The following CEP290 variants were observed in gnomAD, a reference collection of about 807,000 sequenced individuals.
The protein encoded by CEP290 is centrosomal protein 290.
CEP290 carries 317 observed loss-of-function variants against 344.9 expected under a neutral mutation model. The ratio of observed to expected loss-of-function variants is 0.92; its 90% CI spans 0.84 to 1.01. The LOEUF (loss-of-function observed/expected upper bound fraction) is 1.01, where lower values mean the gene tolerates loss of function less well. CEP290 is among the 50% of genes least tolerant of loss of function. The pLI, the probability that CEP290 is intolerant of heterozygous loss-of-function variation, is 0.00. For missense variants in CEP290, 2,754 were observed against 2,761.4 expected (o/e 1.00, Z 0.06); for synonymous variants, 932 against 895.8 (o/e 1.04, Z -0.72).
chr12:88,079,318 T>C (rs1169832764), intron 38 of CEP290, 89 bp from the exon 39 acceptor site: 1 of 997,310 alleles, frequency 1.0e-6, no homozygotes. Context: ...ACAAGCTTTA[T>C]TACTTCCTAC....
rs772550529 is a variant in CEP290, at chr12:88,092,714, T to C, written c.3428A>G (p.Lys1143Arg). ...TTCAACTTTTAGTTCCATTTCATTCTTCTCTAATTCTAGAATCCGTTGCCT... is the reference window on the plus strand; with the variant it reads ...TTCAACTTTTAGTTCCATTTCATTCCTCTCTAATTCTAGAATCCGTTGCCT... ...ADRQRILELE[K>R]NEMELKVEVS... Residue 1143 changes from lysine to arginine, a missense_variant, in exon 29 of 54, where the codon AAG (lysine) becomes AGG (arginine). By Grantham distance (26) the Lys-to-Arg change is conservative. Coordinates refer to ENST00000552810, the MANE Select transcript of CEP290 (RefSeq NM_025114.4). The C allele has an allele frequency of 7.5e-6, 12 of 1,610,084 alleles. No individual in the cohort carries two copies. The East Asian group carries it at 2.5e-4, about 33-fold the overall frequency.
intron 48 of CEP290, 124 bp downstream of exon 48, chr12:88,059,774 C>T (rs2136722702): frequency 1.3e-6 from 1 of 754,096 alleles, no homozygotes; most frequent in East Asian, 3.1e-5. Context: ...CATAGAAACA[C>T]AATTCCTCAA....
At chr12:88,076,839 GTCTA>G (rs1010835136) in intron 41 of CEP290, among the ~76,000 whole-genome samples, 6 of 152,014 alleles carry the variant, frequency 3.9e-5, no homozygotes, top group Admixed American at 1.3e-4. Context: ...ATCTTAAAAT[GTCTA>G]TCTTTCTGTC....
rs483352755 is a variant in CEP290, at chr12:88,125,331, G to A, written c.1104C>T (p.Thr368=). The part of the protein sequence containing the change: ...QERDSQIKML[T]EQVEQYTKEM... ...CTTTTGTATATTGTTCTACTTGTTCGGTGAGCATCTTAATTTGACTGTCTC... is the reference window on the plus strand; with the variant it reads ...CTTTTGTATATTGTTCTACTTGTTCAGTGAGCATCTTAATTTGACTGTCTC... Residue 368 remains threonine, a synonymous_variant, in exon 13 of 54, where the codon ACC becomes ACT. Coordinates refer to ENST00000552810, the MANE Select transcript of CEP290 (RefSeq NM_025114.4). The A allele has an allele frequency of 2.2e-5, 29 of 1,311,016 alleles. No homozygotes were observed. The highest frequency in any genetic ancestry group is 6.0e-5 in the Admixed American group (2 of 33,292). 81.2% of individuals were successfully genotyped at this position (1,311,016 alleles called of 1,614,324 possible).
At chr12:88,066,104 CATAGATATTT>C (rs200391795) in intron 44 of CEP290, among the ~76,000 whole-genome samples, 4,358 of 152,190 alleles carry the variant, frequency 0.029, 219 homozygotes, top group Admixed American at 0.074. Flanking sequence ...TTTCTCTTAA[CATAGATATTT>C]AATTTTAGTT....
chr12:88,140,187 C>T (rs1478644082), intron 3 of CEP290, among the ~76,000 whole-genome samples: 2 of 152,096 alleles, frequency 1.3e-5, no homozygotes, highest in Non-Finnish European at 2.9e-5. Context: ...CTTTCCACTA[C>T]TTTTTTTCTG....
rs550898348 is a variant in CEP290, at chr12:88,049,142, A to C, written c.*42T>G. The C allele has an allele frequency of 2.5e-5, 30 of 1,186,294 alleles. No homozygotes were observed. The South Asian group carries it at 4.0e-4, about 16-fold the overall frequency. 73.5% of individuals were successfully genotyped at this position (1,186,294 alleles called of 1,614,324 possible). Reference sequence around the variant, plus strand: ...ATTTCCAAGTATATTTAACTTATAAAGTTAATAAATAGTTAAATGAAACAA... The same window carrying C: ...ATTTCCAAGTATATTTAACTTATAACGTTAATAAATAGTTAAATGAAACAA... On this transcript the variant is annotated 3_prime_UTR_variant, in exon 54 of 54. Transcript: ENST00000552810.
intron 3 of CEP290, among the ~76,000 whole-genome samples, chr12:88,140,067 TA>T (rs1358997806): frequency 2.6e-5 from 4 of 152,180 alleles, no homozygotes; most frequent in Non-Finnish European, 5.9e-5. Context: ...TTTTCTTACT[TA>T]AGACTACAAT....
chr12:88,078,137 T>G (rs1282950425), intron 39 of CEP290, among the ~76,000 whole-genome samples: 1 of 147,858 alleles, frequency 6.8e-6, no homozygotes, highest in Non-Finnish European at 1.5e-5. Flanking sequence ...AAAAAAAAAC[T>G]AGTGTAAAGC....
rs527586777 is a variant in CEP290 at position 88,079,132 on chromosome 12, T to C, written c.5324A>G (p.Asn1775Ser). The C allele has an allele frequency of 6.3e-7, 1 of 1,597,654 alleles. No homozygotes were observed. The highest frequency in any genetic ancestry group is 8.5e-7 in the Non-Finnish European group (1 of 1,173,654). Residue 1775 changes from asparagine to serine, a missense_variant, in exon 39 of 54, where the codon AAT becomes AGT. Physicochemically the swap from Asn to Ser is conservative, Grantham distance 46. Transcript: ENST00000552810. ...SATSQKEAHLNVQQIVDRHTR... is the reference protein window; with the variant it reads ...SATSQKEAHLSVQQIVDRHTR... ...ATGTCGATCAACGATTTGTTGAACA[T>C]TGAGATGGGCCTCTTTTTGAGAAGT...
rs917105368 is a variant in CEP290 at position 88,049,042 on chromosome 12, T to C, written c.*142A>G. ...AAGTTGAAAATTTCATATAATTTTATTTATTAAGAATTCCAATCTAAGTAT... is the reference window on the plus strand; with the variant it reads ...AAGTTGAAAATTTCATATAATTTTACTTATTAAGAATTCCAATCTAAGTAT... On this transcript the variant is annotated 3_prime_UTR_variant, in exon 54 of 54. Coordinates refer to ENST00000552810, the MANE Select transcript of CEP290 (RefSeq NM_025114.4). The C allele has an allele frequency of 3.3e-5, 15 of 449,718 alleles. No individual in the cohort carries two copies. The highest frequency in any genetic ancestry group is 3.1e-4 in the African/African-American group (15 of 48,844). 27.9% of individuals were successfully genotyped at this position (449,718 alleles called of 1,614,324 possible).
At chr12:88,131,780 C>T (rs574761174) in intron 6 of CEP290, among the ~76,000 whole-genome samples, 2 of 152,128 alleles carry the variant, frequency 1.3e-5, no homozygotes, top group African/African-American at 2.4e-5. Context: ...CCAAAGAATA[C>T]AGAAACAAAT....
At chr12:88,115,676 C>A in intron 18 of CEP290, 2 of 1,000,364 alleles carry the variant, frequency 2.0e-6, no homozygotes, top group Non-Finnish European at 1.3e-6. Flanking sequence ...AAAGTGCAAA[C>A]AAAAATATTC....
In CEP290 at chr12:88,092,863, A is replaced by G. The variant is rs2037154262; in HGVS notation, c.3310-31T>C. On this transcript the variant is annotated intron_variant, in intron 28 of 53. Transcript: ENST00000552810. Reference sequence around the variant, plus strand: ...GAAATGTAACAAAAAATGTTCAGATACATCAATTTTTGGTGAGGTTTTCTT... The same window carrying G: ...GAAATGTAACAAAAAATGTTCAGATGCATCAATTTTTGGTGAGGTTTTCTT... 3 of 1,601,084 alleles carry G rather than the reference A, an allele frequency of 1.9e-6. No homozygotes were observed. The Admixed American group carries it at 5.2e-5, about 28-fold the overall frequency.
chr12:88,082,526 C>CTACAAAAA (rs2036269621), intron 37 of CEP290, among the ~76,000 whole-genome samples: 1 of 151,980 alleles, frequency 6.6e-6, no homozygotes, highest in African/African-American at 2.4e-5. Flanking sequence ...AACCTTGTCT[C>CTACAAAAA]TACAAAAATA....
At chr12:88,083,732 G>T in intron 36 of CEP290, 115 bp downstream of exon 36, 1 of 689,774 alleles carries the variant, frequency 1.4e-6, no homozygotes, top group Non-Finnish European at 2.5e-6. Context: ...GTTTTCAGAA[G>T]ATTATTTTGG....
In CEP290 at chr12:88,084,678, C is replaced by G; in HGVS notation, c.4612G>C (p.Ala1538Pro). Residue 1538 changes from alanine (A) to proline (P), a missense_variant, in exon 35 of 54, where the codon GCT (alanine) becomes CCT (proline). Transcript: ENST00000552810. ...TGCATGTTTGCAATGGTTTGATGAG[C>G]AATTTTCAATGTGTGGTGAGATTTT... ...EPKSHHTLKI[A>P]HQTIANMQAR... 6.2e-7 allele frequency: 1 copy of G among 1,613,716 alleles called. No homozygotes were observed. The highest frequency in any genetic ancestry group is 1.1e-5 in the South Asian group (1 of 91,074).
In CEP290 at chr12:88,089,309, TAA is replaced by T; in HGVS notation, c.3750_3751del (p.Tyr1250Ter). On this transcript the variant is annotated stop_gained and frameshift_variant, in exon 31 of 54. Transcript: ENST00000552810. LOFTEE classifies it high-confidence loss of function. Reference sequence around the variant, plus strand: ...TCTGTTTCTTCCCTCCAAACGAGCATAATAGAGAGCCTGTTCTTTTTCATCAA... The same window carrying T: ...TCTGTTTCTTCCCTCCAAACGAGCATTAGAGAGCCTGTTCTTTTTCATCAA... The T allele has an allele frequency of 6.2e-7, 1 of 1,613,960 alleles. No individual in the cohort carries two copies. Among genetic ancestry groups the T allele is most frequent in the African/African-American group, 1.3e-5 (1 of 75,036 alleles).
At chr12:88,134,576 T>G (rs555645806) in intron 6 of CEP290, among the ~76,000 whole-genome samples, 2 of 152,296 alleles carry the variant, frequency 1.3e-5, no homozygotes, top group South Asian at 2.1e-4. Context: ...GAAGGCAAGA[T>G]AGCACAGACT....
Sources: allele counts gnomAD v4.1 joint callset (sites outside exome capture counted in the v4.1 genomes callset), GRCh38; gene constraint gnomAD v4.1.1; transcripts MANE v1.5; gene names NCBI Gene and HGNC (gene_info 2026-07-23, HGNC 2026-07-21).